Variants in PPP1R42 observed in about 807,000 individuals in gnomAD.
PPP1R42 encodes protein phosphatase 1 regulatory subunit 42, also known as leucine rich repeat containing 67.
A neutral mutation model predicts 31.0 loss-of-function variants in PPP1R42; 34 were observed. The observed-to-expected ratio is 1.10, with a 90% CI of 0.83 to 1.46. The LOEUF is 1.46. PPP1R42 is among the 40% of genes most tolerant of loss of function. PPP1R42 has a pLI of 0.00. For synonymous variants in PPP1R42, 103 were observed against 109.8 expected, an observed-to-expected ratio of 0.94 and a Z score of 0.39; for missense variants, 268 against 303.0, an observed-to-expected ratio of 0.88 and a Z score of 0.86.
At chr8:67,001,919 A>C (rs1815502382) in intron 5 of PPP1R42, among the ~76,000 whole-genome samples, 1 of 152,228 alleles carries the variant, frequency 6.6e-6, no homozygotes, top group Admixed American at 6.5e-5. Context: ...CTGCGATCAC[A>C]CTACTGCACT....
At chr8:67,018,366 C>G (rs765308099) in intron 1 of PPP1R42, among the ~76,000 whole-genome samples, 40 of 151,854 alleles carry the variant, frequency 2.6e-4, no homozygotes, top group Non-Finnish European at 5.0e-4. Flanking sequence ...AATTGGCCCG[C>G]CTCGGCCTCC....
chr8:67,016,662 G>T (rs1310120571), intron 2 of PPP1R42, among the ~76,000 whole-genome samples: 1 of 152,136 alleles, frequency 6.6e-6, no homozygotes, highest in South Asian at 2.1e-4. Flanking sequence ...GGGTAAAGGT[G>T]GTTTTTGGTT....
At chr8:67,003,829 G>C (rs999091998) in intron 5 of PPP1R42, among the ~76,000 whole-genome samples, 4 of 152,136 alleles carry the variant, frequency 2.6e-5, no homozygotes, top group African/African-American at 9.7e-5. Flanking sequence ...GGTGGCTCAC[G>C]CCTGTAATCC....
intron 5 of PPP1R42, among the ~76,000 whole-genome samples, chr8:67,009,995 G>T (rs1197431397): frequency 6.6e-6 from 1 of 152,188 alleles, no homozygotes; most frequent in Non-Finnish European, 1.5e-5. Flanking sequence ...GAAACTTTGA[G>T]GTCATAGCAA....
intron 1 of PPP1R42, among the ~76,000 whole-genome samples, chr8:67,022,307 T>C (rs1462195245): frequency 6.6e-6 from 1 of 152,208 alleles, no homozygotes; most frequent in Non-Finnish European, 1.5e-5. Flanking sequence ...GAGTTTCTCT[T>C]CTGTTAATTG....
chr8:66,975,164 T>G (rs974901195), intron 7 of PPP1R42, among the ~76,000 whole-genome samples: 1 of 152,226 alleles, frequency 6.6e-6, no homozygotes, highest in Non-Finnish European at 1.5e-5. Context: ...CTTTTAAAAT[T>G]TATAAGCAGA....
chr8:66,993,903 G>T (rs1479136981), intron 5 of PPP1R42, among the ~76,000 whole-genome samples: 2 of 152,160 alleles, frequency 1.3e-5, no homozygotes, highest in African/African-American at 4.8e-5. Flanking sequence ...AGCAGGACAG[G>T]AATTATAGGG....
intron 7 of PPP1R42, among the ~76,000 whole-genome samples, chr8:66,966,849 A>G (rs895661111): frequency 2.0e-5 from 3 of 152,218 alleles, no homozygotes; most frequent in African/African-American, 7.2e-5. Context: ...TTTAAAATGG[A>G]AAATAATATA....
intron 4 of PPP1R42, 51 bp from the exon 5 acceptor site, chr8:67,010,882 T>C: frequency 1.4e-6 from 2 of 1,441,998 alleles, no homozygotes; most frequent in East Asian, 4.8e-5. Flanking sequence ...AAATACTGTA[T>C]ATAGGAACCA....
intron 1 of PPP1R42, 52 bp downstream of exon 1, chr8:67,028,439 A>G (rs1047907785): frequency 1.0e-6 from 1 of 973,914 alleles, no homozygotes; most frequent in African/African-American, 1.8e-5. Flanking sequence ...TTTGAGAAAC[A>G]TGGTTCTAGG....
chr8:67,008,590 C>A (rs2129536810), intron 5 of PPP1R42, among the ~76,000 whole-genome samples: 1 of 152,126 alleles, frequency 6.6e-6, no homozygotes, highest in African/African-American at 2.4e-5. Flanking sequence ...TGCCTGTAAT[C>A]CCAGCTACTC....
At chr8:66,966,174 C>T (rs1182801182) in intron 7 of PPP1R42, among the ~76,000 whole-genome samples, 2 of 152,236 alleles carry the variant, frequency 1.3e-5, no homozygotes, top group Non-Finnish European at 2.9e-5. Flanking sequence ...GCATGTCCAT[C>T]TGGCCACACC....
Position 67,013,004 on chromosome 8 carries a change from A to G in PPP1R42, c.389T>C (p.Leu130Pro), listed in dbSNP as rs1585678419. The G allele has an allele frequency of 6.8e-6, 11 of 1,612,048 alleles. No homozygotes were observed. The highest frequency in any genetic ancestry group is 9.3e-6 in the Non-Finnish European group (11 of 1,179,198). Residue 130 changes from leucine (L) to proline (P), a missense_variant, in exon 4 of 8, where the codon CTT becomes CCT. Leu to Pro is a moderately conservative substitution (Grantham distance 98, BLOSUM62 -3). Transcript: ENST00000685739. Reference protein sequence around the residue: ...ELHVENQRLPLGEKLLFDPRT... With the variant: ...ELHVENQRLPPGEKLLFDPRT... The stretch of plus-strand genomic sequence containing the variant: ...TGGATCAAACAGAAGCTTTTCCCCA[A>G]GGGGAAGCCTCTGATTCTCAACATG...
At chr8:66,974,892 T>C (rs1039125929) in intron 7 of PPP1R42, among the ~76,000 whole-genome samples, 1 of 152,250 alleles carries the variant, frequency 6.6e-6, no homozygotes, top group African/African-American at 2.4e-5. Flanking sequence ...ACTGTATCTA[T>C]GTAATATATT....
rs145918601 is a variant in PPP1R42, at chr8:67,006,539, A to G, written c.552+4176T>C. Among the ~76,000 whole-genome samples, 13 of 152,024 alleles carry G rather than the reference A, an allele frequency of 8.6e-5. No homozygotes were observed. In the East Asian group the frequency reaches 2.1e-3, roughly 25 times the overall value. ...GAAGCTAATTGCTAATTTCTTTTTT[A>G]ATTTTTTTGTAGAGAAAAGGTCTTC... On this transcript the variant is annotated intron_variant, in intron 5 of 7. Transcript: ENST00000685739.
At chr8:67,023,712 T>C (rs188021360) in intron 1 of PPP1R42, among the ~76,000 whole-genome samples, 69 of 152,218 alleles carry the variant, frequency 4.5e-4, no homozygotes, top group East Asian at 2.5e-3. Flanking sequence ...GGGAACAGTG[T>C]TGAATAGAAG....
intron 1 of PPP1R42, among the ~76,000 whole-genome samples, chr8:67,018,816 C>CCCG (rs1816102133): frequency 6.5e-5 from 2 of 30,900 alleles, no homozygotes; most frequent in African/African-American, 2.3e-4. Context: ...TGGCCCCCGC[C>CCCG]CCCCCCCCCT....
rs997421587 is a variant in PPP1R42 at position 66,976,962 on chromosome 8, T to A, written c.802+5087A>T. ...GATCATATGGTAGTTCTTCTTCTTT[T>A]TTTAATTCAAGGAATTTTTTTAAAT... On this transcript the variant is annotated intron_variant, in intron 7 of 7. Transcript: ENST00000685739. Among the ~76,000 whole-genome samples, 3 of 152,164 alleles carry A rather than the reference T, an allele frequency of 2.0e-5. No homozygotes were observed. In the East Asian group the frequency reaches 5.8e-4, roughly 29 times the overall value.
intron 5 of PPP1R42, among the ~76,000 whole-genome samples, chr8:67,003,166 CAAA>C (rs529377387): frequency 6.9e-5 from 4 of 57,706 alleles, no homozygotes; most frequent in Non-Finnish European, 1.5e-4. Flanking sequence ...AACTCCGTCT[CAAA>C]AAAAAAAAAA....
Sources: allele counts gnomAD v4.1 joint callset (sites outside exome capture counted in the v4.1 genomes callset), GRCh38; gene constraint gnomAD v4.1.1; transcripts MANE v1.5; gene names NCBI Gene and HGNC (gene_info 2026-07-23, HGNC 2026-07-21).